Variants in ZC2HC1B observed in about 807,000 individuals in gnomAD.
ZC2HC1B encodes zinc finger C2HC-type containing 1B, also known as zinc finger C2HC domain-containing protein 1B.
In ZC2HC1B, 36 loss-of-function variants were observed where a neutral mutation model predicts 31.0. That is an observed-to-expected ratio of 1.16 (90% CI 0.89 to 1.54). ZC2HC1B has a LOEUF of 1.54. ZC2HC1B is among the 40% of genes most tolerant of loss of function. The pLI is 0.00. For synonymous variants in ZC2HC1B, 73 were observed against 88.0 expected, an observed-to-expected ratio of 0.83 and a Z score of 0.95; for missense variants, 260 against 268.6, an observed-to-expected ratio of 0.97 and a Z score of 0.22.
intron 6 of ZC2HC1B, among the ~76,000 whole-genome samples, chr6:143,904,707 A>T (rs777739141): frequency 2.0e-5 from 3 of 152,068 alleles, no homozygotes; most frequent in African/African-American, 7.2e-5. Flanking sequence ...GTTTACTCCT[A>T]TGTTTTTGTC....
At chr6:143,916,149 C>T (rs1333733960) in intron 6 of ZC2HC1B, among the ~76,000 whole-genome samples, 1 of 152,172 alleles carries the variant, frequency 6.6e-6, no homozygotes, top group Non-Finnish European at 1.5e-5. Flanking sequence ...GCCCTGTGTC[C>T]CAGCTGCTCC....
At chr6:143,906,149 GC>G (rs1777792308) in intron 6 of ZC2HC1B, among the ~76,000 whole-genome samples, 1 of 152,108 alleles carries the variant, frequency 6.6e-6, no homozygotes, top group Non-Finnish European at 1.5e-5. Flanking sequence ...CGCCAGTGAA[GC>G]CCTCAGGTCC....
rs1443063238 is a variant in ZC2HC1B, at chr6:143,886,895, C to G, written c.349+74C>G. 1 of 1,246,390 alleles carries G rather than the reference C, an allele frequency of 8.0e-7. No individual in the cohort carries two copies. Among genetic ancestry groups the G allele is most frequent in the African/African-American group, 1.6e-5 (1 of 63,562 alleles). 77.2% of individuals were successfully genotyped at this position (1,246,390 alleles called of 1,614,324 possible). ...CAAATCATCATGCCCTCTATGCACTCTGAAATTGACAATAACAATTACATA... is the reference window on the plus strand; with the variant it reads ...CAAATCATCATGCCCTCTATGCACTGTGAAATTGACAATAACAATTACATA... On this transcript the variant is annotated intron_variant, in intron 4 of 7. Coordinates refer to ENST00000237275, the MANE Select transcript of ZC2HC1B (RefSeq NM_001013623.3). The surrounding 1 kb of genome is among the most constrained non-coding windows in gnomAD (Gnocchi z 4.2).
At chr6:143,935,133 C>CTAG (rs1778161011) in intron 6 of ZC2HC1B, among the ~76,000 whole-genome samples, 2 of 83,006 alleles carry the variant, frequency 2.4e-5, no homozygotes, top group East Asian at 8.0e-4. Flanking sequence ...GCTGCAGATG[C>CTAG]TGGTGGTGGT....
intron 6 of ZC2HC1B, among the ~76,000 whole-genome samples, chr6:143,925,365 C>T (rs1429486601): frequency 6.6e-6 from 1 of 150,446 alleles, no homozygotes; most frequent in Non-Finnish European, 1.5e-5. Context: ...TTAGTAGAGA[C>T]GGGGTTTCAC....
intron 6 of ZC2HC1B, among the ~76,000 whole-genome samples, chr6:143,920,589 G>A (rs1172459736): frequency 6.6e-6 from 1 of 152,134 alleles, no homozygotes; most frequent in African/African-American, 2.4e-5. Context: ...GTACTGTGAT[G>A]TCACTAAGTA....
intron 6 of ZC2HC1B, among the ~76,000 whole-genome samples, chr6:143,928,773 G>T (rs1308860147): frequency 6.8e-6 from 1 of 146,818 alleles, no homozygotes; most frequent in Admixed American, 6.8e-5. Flanking sequence ...TCAGTATTTT[G>T]TAGTTTTCCT....
In ZC2HC1B at chr6:143,872,810, G is replaced by A. The variant is rs148438095; in HGVS notation, c.28+8243G>A. Among the ~76,000 whole-genome samples, 962 of 152,230 alleles carry A rather than the reference G, an allele frequency of 6.3e-3. 6 individuals carry two copies. Among genetic ancestry groups the A allele is most frequent in the Non-Finnish European group, 9.6e-3 (651 of 68,004 alleles). ...CATGGGAAAGACCGGCCCCCATTTA[G>A]TTATCTTCCTCTGGGTCCCTCCCAC... is the stretch of plus-strand genomic sequence containing the variant. On this transcript the variant is annotated intron_variant, in intron 1 of 7. Coordinates refer to ENST00000237275, the MANE Select transcript of ZC2HC1B (RefSeq NM_001013623.3). The surrounding 1 kb of genome is among the most constrained non-coding windows in gnomAD (Gnocchi z 5.5).
intron 6 of ZC2HC1B, among the ~76,000 whole-genome samples, chr6:143,928,494 A>G (rs578046247): frequency 1.8e-4 from 28 of 152,260 alleles, no homozygotes; most frequent in African/African-American, 6.3e-4. Flanking sequence ...TACCAGTACC[A>G]TGCTGTTTGA....
intron 6 of ZC2HC1B, among the ~76,000 whole-genome samples, chr6:143,916,057 T>C (rs947519479): frequency 3.9e-5 from 6 of 152,172 alleles, no homozygotes; most frequent in South Asian, 4.1e-4. Context: ...CCTCCCATCA[T>C]AGGCCCGAGG....
In ZC2HC1B at chr6:143,886,713, C is replaced by A. The variant is rs1371164233; in HGVS notation, c.241C>A (p.Gln81Lys). 6.5e-7 allele frequency: 1 copy of A among 1,544,866 alleles called. No homozygotes were observed. The highest frequency in any genetic ancestry group is 8.7e-7 in the Non-Finnish European group (1 of 1,143,964). Reference protein sequence around the residue: ...SPPVRKSNWRQQHEDFINAIR... With the variant: ...SPPVRKSNWRKQHEDFINAIR... ...ACCTGTGAGGAAGTCTAACTGGAGA[C>A]AACAACATGAAGACTTTATTAATGC... is the stretch of plus-strand genomic sequence containing the variant. The change falls in exon 4 of 8, where the codon CAA becomes AAA. Residue 81 changes from glutamine (Q) to lysine (K), a missense_variant. By Grantham distance (53) the Gln-to-Lys change is moderately conservative. Coordinates refer to ENST00000237275, the MANE Select transcript of ZC2HC1B (RefSeq NM_001013623.3). The surrounding 1 kb of genome is among the most constrained non-coding windows in gnomAD (Gnocchi z 4.2).
chr6:143,926,828 CTTTTTTTTTTTTTT>C (rs774028763), intron 6 of ZC2HC1B, among the ~76,000 whole-genome samples: 2 of 78,834 alleles, frequency 2.5e-5, no homozygotes, highest in African/African-American at 1.1e-4. Flanking sequence ...ATTGTATCTT[CTTTTTTTTTTTTTT>C]TTTTTTTTTT....
rs1777932886 is a variant in ZC2HC1B, at chr6:143,917,477, T to C, written c.598+14325T>C. Among the ~76,000 whole-genome samples the C allele has an allele frequency of 6.6e-6, 1 of 152,248 alleles. No homozygotes were observed. Among genetic ancestry groups the C allele is most frequent in the Non-Finnish European group, 1.5e-5 (1 of 68,052 alleles). Reference sequence around the variant, plus strand: ...GGGACTACATTTAACTTCCTAATGTTATCACATTCTCATTTGAATTTATTC... The same window carrying C: ...GGGACTACATTTAACTTCCTAATGTCATCACATTCTCATTTGAATTTATTC... On this transcript the variant is annotated intron_variant, in intron 6 of 7. Transcript: ENST00000237275. The surrounding 1 kb of genome is among the most constrained non-coding windows in gnomAD (Gnocchi z 4.1).
At chr6:143,897,091 A>AT (rs775317624) in intron 4 of ZC2HC1B, among the ~76,000 whole-genome samples, 19 of 152,136 alleles carry the variant, frequency 1.2e-4, no homozygotes, top group Non-Finnish European at 1.0e-4. Flanking sequence ...ATGAATATAC[A>AT]TTTTAGGAAA....
chr6:143,889,656 G>C (rs984908920), intron 4 of ZC2HC1B, among the ~76,000 whole-genome samples: 1 of 152,062 alleles, frequency 6.6e-6, no homozygotes, highest in Non-Finnish European at 1.5e-5. Context: ...GAGCTTCTAA[G>C]AATGTGAAAC....
Position 143,868,717 on chromosome 6 carries a change from T to C in ZC2HC1B, c.28+4150T>C, listed in dbSNP as rs976221658. Among the ~76,000 whole-genome samples the C allele has an allele frequency of 6.6e-6, 1 of 152,174 alleles. No homozygotes were observed. Among genetic ancestry groups the C allele is most frequent in the African/African-American group, 2.4e-5 (1 of 41,440 alleles). Reference sequence around the variant, plus strand: ...AACCCATACCCATCTCCTGAGATCATACATAATCTTCAAATAAAGACAATA... The same window carrying C: ...AACCCATACCCATCTCCTGAGATCACACATAATCTTCAAATAAAGACAATA... On this transcript the variant is annotated intron_variant, in intron 1 of 7. Transcript: ENST00000237275. This position sits in a 1 kb window ranked among gnomAD's most constrained non-coding sequence, Gnocchi z 4.2.
rs562929989 is a variant in ZC2HC1B at position 143,885,041 on chromosome 6, A to AT, written c.90+684dup. On this transcript the variant is annotated intron_variant, in intron 2 of 7. Transcript: ENST00000237275. The surrounding 1 kb of genome is among the most constrained non-coding windows in gnomAD (Gnocchi z 4.2). ...TATAAAGGGGTTCCCAAGAAAGATG[A>AT]TTTTTTTTCAAAAAGAAAATCTAAG... 3.9e-5 allele frequency among the ~76,000 whole-genome samples: 6 copies of AT among 152,074 alleles called. No homozygotes were observed. The highest frequency in any genetic ancestry group is 4.2e-4 in the South Asian group (2 of 4,800).
chr6:143,866,806 T>TA (rs1274588983), intron 1 of ZC2HC1B, among the ~76,000 whole-genome samples: 1 of 152,216 alleles, frequency 6.6e-6, no homozygotes, highest in Non-Finnish European at 1.5e-5. Context: ...TTGTGAAACT[T>TA]ACAGGAGAAT....
In ZC2HC1B at chr6:143,918,934, A is replaced by G. The variant is rs1777952183; in HGVS notation, c.598+15782A>G. Among the ~76,000 whole-genome samples, 1 of 151,862 alleles carries G rather than the reference A, an allele frequency of 6.6e-6. No homozygotes were observed. The highest frequency in any genetic ancestry group is 1.9e-4 in the East Asian group (1 of 5,186). On this transcript the variant is annotated intron_variant, in intron 6 of 7. Coordinates refer to ENST00000237275, the MANE Select transcript of ZC2HC1B (RefSeq NM_001013623.3). The surrounding 1 kb of genome is among the most constrained non-coding windows in gnomAD (Gnocchi z 4.1). ...AGGATTTATCTTCGTGGATATTTCC[A>G]TTTTGTTCATAGATCTTTTTCTTGA...
Sources: gnomAD v4.1 joint callset for allele counts (sites outside exome capture counted in the v4.1 genomes callset) on GRCh38, gnomAD v4.1.1 for gene constraint, Gnocchi (gnomAD v3.1) non-coding constraint, MANE v1.5 for transcripts, NCBI Gene and HGNC (gene_info 2026-07-23, HGNC 2026-07-21) for gene names.